Variants in NECAB2 observed in about 807,000 individuals in gnomAD.
NECAB2 encodes the protein N-terminal EF-hand calcium-binding protein 2.
In NECAB2, 68 loss-of-function variants were observed where a neutral mutation model predicts 51.9. The observed-to-expected ratio is 1.31, with a 90% CI of 1.08 to 1.60. NECAB2 has a LOEUF of 1.60. Among genes scored for constraint, NECAB2 ranks in the 40% most tolerant of loss-of-function variants. NECAB2 has a pLI of 0.00. For missense variants in NECAB2, 854 were observed against 490.3 expected (o/e 1.74, Z -7.00); for synonymous variants, 329 against 203.5 (o/e 1.62, Z -5.25).
At chr16:83,965,948 G>A, upstream of NECAB2, 2 of 1,611,254 alleles carry the variant, frequency 1.2e-6, no homozygotes, top group South Asian at 1.1e-5. Context: ...GTTTGTGCAG[G>A]GGGGCGCCTT....
At chr16:83,989,588 C>T (rs187817559) in intron 5 of NECAB2, among the ~76,000 whole-genome samples, 1 of 152,146 alleles carries the variant, frequency 6.6e-6, no homozygotes, top group East Asian at 1.9e-4. Flanking sequence ...CAGAGGAGGC[C>T]AGGAGAGCAG....
At chr16:83,977,489 A>G (rs1168165336) in intron 2 of NECAB2, among the ~76,000 whole-genome samples, 1 of 152,038 alleles carries the variant, frequency 6.6e-6, no homozygotes, top group African/African-American at 2.4e-5. Flanking sequence ...GGTAGGGCCA[A>G]AAGTGTCCCC....
In NECAB2 at chr16:83,990,051, G is replaced by C. The variant is rs368967499; in HGVS notation, c.460-443G>C. On this transcript the variant is annotated intron_variant, in intron 5 of 12. Coordinates refer to ENST00000305202, the MANE Select transcript of NECAB2 (RefSeq NM_019065.3). ...GGAAGGTCGTGGATTCTTCTTGCCT[G>C]ATCATTATCCTTGTCACAGCAACAA... 3.9e-4 allele frequency among the ~76,000 whole-genome samples: 59 copies of C among 152,280 alleles called. No homozygotes were observed. In the South Asian group the frequency reaches 6.6e-3, roughly 17 times the overall value.
Position 84,002,393 on chromosome 16 carries a change from G to C in NECAB2, c.*47G>C. The C allele has an allele frequency of 1.3e-6, 2 of 1,587,118 alleles. No individual in the cohort carries two copies. Among genetic ancestry groups the C allele is most frequent in the Non-Finnish European group, 1.7e-6 (2 of 1,168,222 alleles). On this transcript the variant is annotated 3_prime_UTR_variant, in exon 13 of 13. Coordinates refer to ENST00000305202, the MANE Select transcript of NECAB2 (RefSeq NM_019065.3). ...AGGAGCCCACCAGCCCCTTCTTCTT[G>C]TGAAGGAAATCCCGTTTTTTTCTAG...
rs763182822 is a variant in NECAB2, at chr16:83,978,455, C to G, written c.238C>G (p.Leu80Val). Residue 80 changes from leucine (L) to valine (V), a missense_variant, in exon 3 of 13, where the codon CTG becomes GTG. Coordinates refer to ENST00000305202, the MANE Select transcript of NECAB2 (RefSeq NM_019065.3). ...TTCCTTCCTTGCAGATGATGGGAAG[C>G]TGTCCTTGGAGGAATTCCAGCTCTT... ...RRADKNDDGK[L>V]SLEEFQLFFA... 8 of 1,613,840 alleles carry G rather than the reference C, an allele frequency of 5.0e-6. No homozygotes were observed. Among genetic ancestry groups the G allele is most frequent in the South Asian group, 1.1e-5 (1 of 91,078 alleles).
chr16:83,984,617 C>T (rs9923930), intron 5 of NECAB2, among the ~76,000 whole-genome samples: 18,005 of 151,898 alleles, frequency 0.12, 2,187 homozygotes, highest in African/African-American at 0.32. Flanking sequence ...GTAGTTCCCA[C>T]CTTCTTGGGA....
intron 2 of NECAB2, among the ~76,000 whole-genome samples, chr16:83,973,094 C>T (rs1054644085): frequency 1.3e-5 from 2 of 152,200 alleles, no homozygotes; most frequent in African/African-American, 2.4e-5. Context: ...AAGAGAATCG[C>T]GTGCTCCCGG....
chr16:83,998,396 CT>C (rs2084752020), intron 10 of NECAB2, 79 bp downstream of exon 10: 2 of 1,383,162 alleles, frequency 1.4e-6, no homozygotes, highest in Non-Finnish European at 2.0e-6. Flanking sequence ...CAGGACTAGG[CT>C]TTGCCCTAAG....
At chr16:83,992,251 A>T (rs189602349) in intron 6 of NECAB2, among the ~76,000 whole-genome samples, 20 of 151,964 alleles carry the variant, frequency 1.3e-4, no homozygotes, top group Non-Finnish European at 2.2e-4. Context: ...GCTTGGAACC[A>T]TGGGAATGCA....
intron 10 of NECAB2, among the ~76,000 whole-genome samples, chr16:83,999,733 C>A (rs1162586592): frequency 6.6e-6 from 1 of 152,104 alleles, no homozygotes; most frequent in Non-Finnish European, 1.5e-5. Flanking sequence ...GACTTGCCTG[C>A]AGCCCCTTCC....
At chr16:83,974,722 A>G (rs988305535) in intron 2 of NECAB2, among the ~76,000 whole-genome samples, 1 of 152,110 alleles carries the variant, frequency 6.6e-6, no homozygotes, top group African/African-American at 2.4e-5. Context: ...CAGCAGCTTA[A>G]AAGCTTGTAG....
At chr16:83,996,540 A>G (rs1312908857) in intron 8 of NECAB2, among the ~76,000 whole-genome samples, 2 of 152,254 alleles carry the variant, frequency 1.3e-5, no homozygotes, top group Non-Finnish European at 2.9e-5. Context: ...AGATAGCCAC[A>G]GAGGTGGTTA....
At chr16:83,992,537 T>C (rs1465991059) in intron 6 of NECAB2, among the ~76,000 whole-genome samples, 1 of 152,166 alleles carries the variant, frequency 6.6e-6, no homozygotes, top group Non-Finnish European at 1.5e-5. Context: ...ATTGAGCCCT[T>C]AATTTTCCAG....
intron 2 of NECAB2, among the ~76,000 whole-genome samples, chr16:83,972,579 GTTC>G (rs1197067194): frequency 6.6e-6 from 1 of 152,244 alleles, no homozygotes; most frequent in Non-Finnish European, 1.5e-5. Flanking sequence ...CCTTGGTGCA[GTTC>G]TTCATCGTAG....
chr16:83,966,259 GA>G (rs2084279156), upstream of NECAB2: 6 of 526,124 alleles, frequency 1.1e-5, no homozygotes, highest in African/African-American at 9.5e-5. Flanking sequence ...GTGACCAGCT[GA>G]GCACCCAGCC....
intron 5 of NECAB2, among the ~76,000 whole-genome samples, chr16:83,989,200 C>T (rs915466229): frequency 6.6e-6 from 1 of 152,182 alleles, no homozygotes; most frequent in African/African-American, 2.4e-5. Flanking sequence ...ATCACTGGAT[C>T]ATGTGTGGTT....
At chr16:83,969,332 C>G (rs749940518) in intron 1 of NECAB2, among the ~76,000 whole-genome samples, 56 of 152,202 alleles carry the variant, frequency 3.7e-4, no homozygotes, top group Admixed American at 7.2e-4. Context: ...CCCCGTTCAT[C>G]TCACGCTCAA....
At chr16:84,001,396 A>C (rs2084831377) in intron 11 of NECAB2, among the ~76,000 whole-genome samples, 1 of 152,124 alleles carries the variant, frequency 6.6e-6, no homozygotes, top group Non-Finnish European at 1.5e-5. Context: ...GTTTGCTGAC[A>C]AACTCAGGAC....
At position 84,002,403 on chromosome 16, in the gene NECAB2, T is replaced by TCC. The variant is rs200832013; in HGVS notation, c.*59_*60dup. The TCC allele has an allele frequency of 1.5e-5, 24 of 1,552,618 alleles. No individual in the cohort carries two copies. Among genetic ancestry groups the TCC allele is most frequent in the Middle Eastern group, 1.7e-4 (1 of 5,992 alleles). On this transcript the variant is annotated 3_prime_UTR_variant, in exon 13 of 13. Coordinates refer to ENST00000305202, the MANE Select transcript of NECAB2 (RefSeq NM_019065.3). ...CAGCCCCTTCTTCTTGTGAAGGAAA[T>TCC]CCCGTTTTTTTCTAGACAGACACTT...
Sources: allele counts gnomAD v4.1 joint callset (sites outside exome capture counted in the v4.1 genomes callset), GRCh38; gene constraint gnomAD v4.1.1; transcripts MANE v1.5; gene names NCBI Gene and HGNC (gene_info 2026-07-23, HGNC 2026-07-21).